GNG7: variants seen among roughly 807,000 people sequenced by gnomAD.
The protein encoded by GNG7 is G protein subunit gamma 7.
Under a neutral mutation model 4.0 loss-of-function variants are expected in GNG7, and 1 was observed. The ratio of observed to expected loss-of-function variants is 0.25; its 90% CI spans 0.09 to 1.18. The LOEUF is 1.18. GNG7 is among the 50% of genes most tolerant of loss of function. The pLI is 0.50. For missense variants in GNG7, 86 were observed against 91.9 expected, an observed-to-expected ratio of 0.94 and a Z score of 0.26; for synonymous variants, 34 against 36.9, an observed-to-expected ratio of 0.92 and a Z score of 0.29.
intron 3 of GNG7, among the ~76,000 whole-genome samples, chr19:2,540,033 TCTCCCTCC>T (rs202078663): frequency 2.3e-5 from 3 of 129,970 alleles, no homozygotes; most frequent in East Asian, 2.2e-4. Context: ...TCTCTCTGGC[TCTCCCTCC>T]CTCCCTCCCT....
intron 2 of GNG7, among the ~76,000 whole-genome samples, chr19:2,607,735 TCCGCCCC>T (rs1335746748): frequency 6.6e-6 from 1 of 151,942 alleles, no homozygotes; most frequent in African/African-American, 2.4e-5. Context: ...CCCCGTGCCC[TCCGCCCC>T]CCGCCCCTCC....
intron 1 of GNG7, among the ~76,000 whole-genome samples, chr19:2,689,041 G>A (rs967022475): frequency 6.6e-6 from 1 of 151,696 alleles, no homozygotes; most frequent in African/African-American, 2.4e-5. Context: ...CTTAGCCTGG[G>A]CGACAGAGTA....
At chr19:2,533,606 A>G (rs1001783667) in intron 3 of GNG7, among the ~76,000 whole-genome samples, 1 of 152,220 alleles carries the variant, frequency 6.6e-6, no homozygotes, top group Admixed American at 6.6e-5. Flanking sequence ...TCAACAAACA[A>G]AAGTTGCCAG....
rs575619900 is a variant in GNG7 at position 2,546,020 on chromosome 19, G to A, written c.-38+9129C>T. On this transcript the variant is annotated intron_variant, in intron 3 of 4. Transcript: ENST00000382159. This position sits in a 1 kb window ranked among gnomAD's most constrained non-coding sequence, Gnocchi z 6.3. ...GAAAGGTGCACACAGCTTCCAGAGC[G>A]GACACAGGGCATCAGGGTGAGAAGG... Among the ~76,000 whole-genome samples the A allele has an allele frequency of 6.6e-6, 1 of 152,294 alleles. No homozygotes were observed. Among genetic ancestry groups the A allele is most frequent in the Non-Finnish European group, 1.5e-5 (1 of 68,026 alleles).
At chr19:2,538,579 T>C in intron 3 of GNG7, 2 of 379,388 alleles carry the variant, frequency 5.3e-6, no homozygotes, top group South Asian at 2.0e-5. Context: ...TGAAGTGAGC[T>C]ATGATTGCAC....
chr19:2,630,466 T>A (rs1045832237), intron 2 of GNG7, among the ~76,000 whole-genome samples: 1 of 152,096 alleles, frequency 6.6e-6, no homozygotes, highest in Non-Finnish European at 1.5e-5. Context: ...CAGGTGACCC[T>A]TTAAAAGGGA....
At chr19:2,661,329 A>AAAGT (rs1983168113) in intron 1 of GNG7, among the ~76,000 whole-genome samples, 1 of 146,644 alleles carries the variant, frequency 6.8e-6, no homozygotes, top group African/African-American at 2.6e-5. Flanking sequence ...AGAAAGAAAG[A>AAAGT]AAGAAAGAAA....
At chr19:2,568,822 A>T (rs1568247400) in intron 2 of GNG7, among the ~76,000 whole-genome samples, 1 of 152,100 alleles carries the variant, frequency 6.6e-6, no homozygotes, top group African/African-American at 2.4e-5. Flanking sequence ...ACACATATAC[A>T]CACAAATATA....
intron 1 of GNG7, among the ~76,000 whole-genome samples, chr19:2,674,625 G>A (rs75444669): frequency 0.17 from 25,518 of 151,976 alleles, 3,110 homozygotes; most frequent in East Asian, 0.56. Flanking sequence ...TAGTAGAGAC[G>A]AGTTTTTACC....
intron 1 of GNG7, among the ~76,000 whole-genome samples, chr19:2,670,000 ACT>A (rs1249888260): frequency 2.4e-4 from 35 of 143,586 alleles, no homozygotes; most frequent in African/African-American, 9.2e-4. Context: ...ACAGAGCGAG[ACT>A]CTGTCTCAAA....
At chr19:2,666,329 T>C (rs979566419) in intron 1 of GNG7, among the ~76,000 whole-genome samples, 10 of 151,664 alleles carry the variant, frequency 6.6e-5, no homozygotes, top group Admixed American at 6.6e-4. Context: ...CCTGCCAACA[T>C]GCCCGGCTAA....
At chr19:2,599,841 G>A (rs1981146296) in intron 2 of GNG7, among the ~76,000 whole-genome samples, 1 of 151,972 alleles carries the variant, frequency 6.6e-6, no homozygotes, top group African/African-American at 2.4e-5. Context: ...GGAGGCTGAG[G>A]CAGGAGAATC....
intron 3 of GNG7, among the ~76,000 whole-genome samples, chr19:2,526,012 C>A (rs548167896): frequency 5.9e-4 from 69 of 116,830 alleles, no homozygotes; most frequent in African/African-American, 2.3e-3. Context: ...GCTCTGTCTC[C>A]GAGGCTGGAG....
chr19:2,665,736 G>A (rs1186048577), intron 1 of GNG7, among the ~76,000 whole-genome samples: 3 of 152,192 alleles, frequency 2.0e-5, no homozygotes, highest in Admixed American at 1.3e-4. Flanking sequence ...TCCACCCTGT[G>A]AGACTGGTTT....
intron 3 of GNG7, among the ~76,000 whole-genome samples, chr19:2,532,064 T>C (rs1978609413): frequency 6.7e-6 from 1 of 148,980 alleles, no homozygotes; most frequent in African/African-American, 2.5e-5. Context: ...AGCAGGAGAA[T>C]GGCATGAACC....
At chr19:2,667,570 G>T (rs898828531) in intron 1 of GNG7, among the ~76,000 whole-genome samples, 1 of 152,154 alleles carries the variant, frequency 6.6e-6, no homozygotes, top group African/African-American at 2.4e-5. Context: ...CTTCAGGCCA[G>T]GAGTTCAAGA....
intron 2 of GNG7, among the ~76,000 whole-genome samples, chr19:2,583,970 G>C (rs1416336701): frequency 6.6e-6 from 1 of 152,152 alleles, no homozygotes; most frequent in Non-Finnish European, 1.5e-5. Flanking sequence ...ATACATGTGT[G>C]GGTGTGGTGC....
chr19:2,660,030 C>A (rs1023253673), intron 1 of GNG7, among the ~76,000 whole-genome samples: 6 of 152,052 alleles, frequency 3.9e-5, no homozygotes, highest in Non-Finnish European at 8.8e-5. Flanking sequence ...CCAGAGCCAT[C>A]CTCCTCACCG....
intron 2 of GNG7, among the ~76,000 whole-genome samples, chr19:2,612,395 A>G (rs1981596155): frequency 6.6e-6 from 1 of 151,994 alleles, no homozygotes; most frequent in African/African-American, 2.4e-5. Context: ...ATTTAAAAAC[A>G]GTTCCAGGGT....
Sources: allele counts gnomAD v4.1 joint callset (sites outside exome capture counted in the v4.1 genomes callset), GRCh38; gene constraint gnomAD v4.1.1; non-coding constraint Gnocchi (gnomAD v3.1); transcripts MANE v1.5; gene names NCBI Gene and HGNC (gene_info 2026-07-23, HGNC 2026-07-21).